SLC17A3: variants seen among roughly 807,000 people sequenced by gnomAD.
The protein encoded by SLC17A3 is solute carrier family 17 member 3.
In SLC17A3, 61 loss-of-function variants were observed where a neutral mutation model predicts 60.3. The observed-to-expected ratio is 1.01, with a 90% CI of 0.82 to 1.25. The LOEUF is 1.25. SLC17A3 is among the 50% of genes most tolerant of loss of function. The pLI is 0.00. For synonymous variants in SLC17A3, 192 were observed against 208.9 expected, an observed-to-expected ratio of 0.92 and a Z score of 0.70; for missense variants, 624 against 594.9, an observed-to-expected ratio of 1.05 and a Z score of -0.51.
intron 3 of SLC17A3, 38 bp downstream of exon 3, chr6:25,862,195 A>G: frequency 3.2e-6 from 5 of 1,571,454 alleles, no homozygotes; most frequent in Non-Finnish European, 4.4e-6. Flanking sequence ...AATAAACAGC[A>G]AAAAGAAAAG....
intron 5 of SLC17A3, among the ~76,000 whole-genome samples, chr6:25,861,390 T>A (rs978551122): frequency 6.6e-6 from 1 of 152,092 alleles, no homozygotes; most frequent in African/African-American, 2.4e-5. Context: ...TTTGAACACA[T>A]AAAAATACTT....
intron 2 of SLC17A3, among the ~76,000 whole-genome samples, chr6:25,864,608 G>T (rs1046255489): frequency 6.9e-6 from 1 of 145,884 alleles, no homozygotes; most frequent in African/African-American, 2.6e-5. Flanking sequence ...ATGAAGTTCT[G>T]CTTTCCTAGG....
At chr6:25,864,971 C>T (rs1312634716) in intron 2 of SLC17A3, among the ~76,000 whole-genome samples, 7 of 151,876 alleles carry the variant, frequency 4.6e-5, no homozygotes, top group South Asian at 4.2e-4. Flanking sequence ...CAGGAGAGTG[C>T]GGTGTCCTGG....
intron 11 of SLC17A3, among the ~76,000 whole-genome samples, chr6:25,847,677 T>C (rs1240301343): frequency 6.6e-6 from 1 of 152,174 alleles, no homozygotes; most frequent in Non-Finnish European, 1.5e-5. Context: ...TTTAGCTTTT[T>C]TCATACCTTT....
chr6:25,857,031 A>G (rs1765368050), intron 5 of SLC17A3, among the ~76,000 whole-genome samples: 1 of 151,988 alleles, frequency 6.6e-6, no homozygotes, highest in Non-Finnish European at 1.5e-5. Flanking sequence ...AAAAACAAAA[A>G]GTAAAAAATT....
intron 2 of SLC17A3, among the ~76,000 whole-genome samples, chr6:25,866,131 G>A (rs530796294): frequency 6.6e-6 from 1 of 151,968 alleles, no homozygotes; most frequent in Admixed American, 6.6e-5. Context: ...AACAGAATAC[G>A]GCAAAGGTGA....
intron 5 of SLC17A3, among the ~76,000 whole-genome samples, chr6:25,856,879 A>G (rs1165895814): frequency 6.6e-6 from 1 of 150,824 alleles, no homozygotes; most frequent in African/African-American, 2.4e-5. Context: ...CCTTTCCAAT[A>G]TTAATGAAAA....
chr6:25,850,217 A>AGT (rs770244971), intron 8 of SLC17A3, 40 bp from the exon 9 acceptor site: 1 of 1,595,400 alleles, frequency 6.3e-7, no homozygotes, highest in Non-Finnish European at 8.6e-7. Context: ...TAATAAAGGC[A>AGT]GTGAGACCAC....
At chr6:25,849,991 C>T (rs369927922) in intron 9 of SLC17A3, 39 bp from the exon 10 acceptor site, 10 of 1,613,920 alleles carry the variant, frequency 6.2e-6, no homozygotes, top group Non-Finnish European at 7.6e-6. Flanking sequence ...CAGTGAGATG[C>T]ATTCTTTGGC....
intron 5 of SLC17A3, among the ~76,000 whole-genome samples, chr6:25,859,077 TATC>T (rs1765405611): frequency 6.6e-6 from 1 of 152,246 alleles, no homozygotes; most frequent in African/African-American, 2.4e-5. Flanking sequence ...ATTAGTCAAA[TATC>T]ATAAGATGTG....
In SLC17A3 at chr6:25,850,077, A is replaced by T; in HGVS notation, c.1094T>A (p.Ile365Asn). The T allele has an allele frequency of 3.1e-6, 5 of 1,613,996 alleles. No homozygotes were observed. The highest frequency in any genetic ancestry group is 4.2e-6 in the Non-Finnish European group (5 of 1,179,870). ...AATTGTGGCAATTTTCCTCACAGTGATGAGTCTAAACTTTTTGGTTAGAAG... is the reference window on the plus strand; with the variant it reads ...AATTGTGGCAATTTTCCTCACAGTGTTGAGTCTAAACTTTTTGGTTAGAAG... Reference protein sequence around the residue: ...DFLLTKKFRLITVRKIATILG... With the variant: ...DFLLTKKFRLNTVRKIATILG... Residue 365 changes from isoleucine (I) to asparagine (N), a missense_variant, in exon 9 of 13, where the codon ATC becomes AAC. Ile to Asn is a moderately radical substitution (Grantham distance 149). Transcript: ENST00000397060.
chr6:25,859,246 T>C (rs1765408106), intron 5 of SLC17A3, among the ~76,000 whole-genome samples: 1 of 152,152 alleles, frequency 6.6e-6, no homozygotes. Flanking sequence ...ACAAATAATA[T>C]TAGTCAGGCA....
Position 25,849,947 on chromosome 6 carries a change from G to A in SLC17A3, c.1129C>T (p.Leu377Phe). 1 of 1,613,972 alleles carries A rather than the reference G, an allele frequency of 6.2e-7. No individual in the cohort carries two copies. The highest frequency in any genetic ancestry group is 8.5e-7 in the Non-Finnish European group (1 of 1,179,862). ...VRKIATILGS[L>F]PSSALIVSLP... ...GACACAATGAGTGCTGAAGAGGGGA[G>A]ACTTCCTAGGAAATGAAGAAGAAAC... Residue 377 changes from leucine to phenylalanine, a missense_variant, in exon 10 of 13, where the codon CTC (leucine) becomes TTC (phenylalanine). Coordinates refer to ENST00000397060, the MANE Select transcript of SLC17A3 (RefSeq NM_001098486.2).
At chr6:25,856,622 C>T (rs574620216) in intron 5 of SLC17A3, among the ~76,000 whole-genome samples, 3 of 151,040 alleles carry the variant, frequency 2.0e-5, no homozygotes, top group Non-Finnish European at 4.4e-5. Context: ...CCGAGGCAGG[C>T]GAATCATGAG....
chr6:25,849,573 T>A, intron 10 of SLC17A3, 109 bp from the exon 11 acceptor site: 1 of 755,564 alleles, frequency 1.3e-6, no homozygotes, highest in Non-Finnish European at 2.3e-6. Context: ...CAATTATATA[T>A]AATTATAATT....
chr6:25,859,763 A>G (rs1765416974), intron 5 of SLC17A3, among the ~76,000 whole-genome samples: 1 of 152,154 alleles, frequency 6.6e-6, no homozygotes, highest in Admixed American at 6.5e-5. Context: ...AGACAGAGAA[A>G]GGATGTTTGA....
chr6:25,852,785 C>G (rs1034084932), intron 6 of SLC17A3, among the ~76,000 whole-genome samples: 2 of 152,084 alleles, frequency 1.3e-5, no homozygotes, highest in African/African-American at 4.8e-5. Flanking sequence ...TCTCTGTCAG[C>G]TCTGGGTTAG....
At chr6:25,858,425 C>A (rs1765394952) in intron 5 of SLC17A3, among the ~76,000 whole-genome samples, 1 of 152,180 alleles carries the variant, frequency 6.6e-6, no homozygotes, top group African/African-American at 2.4e-5. Flanking sequence ...CTTGCTCAAC[C>A]CCAGCAGCAT....
At chr6:25,872,895 A>T (rs976774136) in intron 1 of SLC17A3, among the ~76,000 whole-genome samples, 1 of 152,004 alleles carries the variant, frequency 6.6e-6, no homozygotes, top group African/African-American at 2.4e-5. Context: ...TTCACATGAC[A>T]GTCTACCACC....
Sources: allele counts gnomAD v4.1 joint callset (sites outside exome capture counted in the v4.1 genomes callset), GRCh38; gene constraint gnomAD v4.1.1; transcripts MANE v1.5; gene names NCBI Gene and HGNC (gene_info 2026-07-23, HGNC 2026-07-21).